The following ACSM2B variants were observed in gnomAD, a reference collection of about 807,000 sequenced individuals.
The protein encoded by ACSM2B is acyl-CoA synthetase medium chain family member 2B.
A neutral mutation model predicts 78.6 loss-of-function variants in ACSM2B; 58 were observed. The observed-to-expected ratio is 0.74, with a 90% CI of 0.60 to 0.92. ACSM2B has a LOEUF of 0.92. Ranked by LOEUF, ACSM2B falls within the 40% of genes least tolerant of loss-of-function variation. ACSM2B has a pLI of 0.00. For synonymous variants in ACSM2B, 257 were observed against 256.8 expected (o/e 1.00, Z -0.01); for missense variants, 688 against 711.2 (o/e 0.97, Z 0.37).
intron 1 of ACSM2B, among the ~76,000 whole-genome samples, chr16:20,574,869 GA>G (rs1381507505): frequency 6.6e-6 from 1 of 150,526 alleles, no homozygotes; most frequent in Non-Finnish European, 1.5e-5. Context: ...CTGGGAGATA[GA>G]ATCCCCGAGT....
At chr16:20,555,642 T>G (rs1436604573) in intron 3 of ACSM2B, among the ~76,000 whole-genome samples, 166 bp from the exon 4 acceptor site, 1 of 152,044 alleles carries the variant, frequency 6.6e-6, no homozygotes, top group African/African-American at 2.4e-5. Flanking sequence ...AGGGAGTGAA[T>G]GAAACCTAGG....
intron 4 of ACSM2B, 168 bp from the exon 5 acceptor site, chr16:20,554,088 A>T: frequency 2.7e-6 from 3 of 1,113,378 alleles, no homozygotes; most frequent in Non-Finnish European, 3.9e-6. Flanking sequence ...AGTCAATCAG[A>T]GTTGGGTTTG....
chr16:20,552,959 A>G (rs1216162464), intron 5 of ACSM2B, among the ~76,000 whole-genome samples: 3 of 152,176 alleles, frequency 2.0e-5, no homozygotes, highest in African/African-American at 7.2e-5. Flanking sequence ...GTCTCACTTT[A>G]TATCTGCAAA....
intron 1 of ACSM2B, among the ~76,000 whole-genome samples, chr16:20,569,629 T>C (rs1350740859): frequency 6.6e-6 from 1 of 151,922 alleles, no homozygotes; most frequent in Non-Finnish European, 1.5e-5. Flanking sequence ...GGTATTTTGA[T>C]GGGAATTGCA....
intron 1 of ACSM2B, among the ~76,000 whole-genome samples, chr16:20,570,304 A>G (rs1458379558): frequency 2.0e-5 from 3 of 151,906 alleles, no homozygotes; most frequent in Admixed American, 6.6e-5. Context: ...CTTTTTCTAC[A>G]TCTATTGAGA....
chr16:20,542,176 G>A (rs2015012419), intron 12 of ACSM2B: 1 of 150,370 alleles, frequency 6.7e-6, no homozygotes, highest in Non-Finnish European at 1.5e-5. Context: ...ACCCTACTCT[G>A]CTATTGAACA....
At chr16:20,567,769 G>GAT (rs1308793757) in intron 1 of ACSM2B, among the ~76,000 whole-genome samples, 1 of 137,646 alleles carries the variant, frequency 7.3e-6, no homozygotes, top group Non-Finnish European at 1.6e-5. Context: ...TGTATATACA[G>GAT]ATATATATAA....
intron 1 of ACSM2B, among the ~76,000 whole-genome samples, chr16:20,571,905 G>T (rs530078433): frequency 1.1e-3 from 161 of 151,810 alleles, no homozygotes; most frequent in Non-Finnish European, 1.4e-3. Flanking sequence ...GCTTGTTTTT[G>T]GTGTCCATTT....
intron 6 of ACSM2B, chr16:20,549,947 C>T (rs1318935003): frequency 8.8e-6 from 3 of 339,408 alleles, no homozygotes; most frequent in South Asian, 6.9e-5. Flanking sequence ...CTTATTTGCA[C>T]AGGAAGCTTT....
At position 20,540,835 on chromosome 16, in the gene ACSM2B, A is replaced by G. The variant is rs1184753274; in HGVS notation, c.1510-62T>C. On this transcript the variant is annotated intron_variant, in intron 12 of 13. Coordinates refer to ENST00000329697, the MANE Select transcript of ACSM2B (RefSeq NM_001105069.2). ...GAGTGTGTAGTCATCTCCTGGAATA[A>G]TGTGAAATTAGCATTAAGACTTGCA... is the stretch of plus-strand genomic sequence containing the variant. The G allele has an allele frequency of 1.9e-6, 3 of 1,578,166 alleles. No homozygotes were observed. The East Asian group carries it at 6.8e-5, about 36-fold the overall frequency.
intron 1 of ACSM2B, among the ~76,000 whole-genome samples, chr16:20,569,115 T>C (rs1304860557): frequency 6.6e-6 from 1 of 151,920 alleles, no homozygotes; most frequent in Non-Finnish European, 1.5e-5. Flanking sequence ...TGCTTTTGGG[T>C]TCTTGGTCAT....
intron 10 of ACSM2B, chr16:20,544,806 G>A: frequency 1.0e-6 from 1 of 1,001,072 alleles, no homozygotes; most frequent in East Asian, 1.0e-4. Context: ...CAACGGCATA[G>A]ATCATGGGGA....
chr16:20,560,361 T>C (rs1175444691), intron 2 of ACSM2B, among the ~76,000 whole-genome samples: 1 of 151,992 alleles, frequency 6.6e-6, no homozygotes, highest in African/African-American at 2.4e-5. Flanking sequence ...CATGAATGGC[T>C]TAGCACCATC....
At chr16:20,561,758 C>T (rs2015662341) in intron 2 of ACSM2B, among the ~76,000 whole-genome samples, 1 of 151,196 alleles carries the variant, frequency 6.6e-6, no homozygotes, top group African/African-American at 2.4e-5. Flanking sequence ...TACATGTGCA[C>T]AACGTGCACG....
intron 3 of ACSM2B, among the ~76,000 whole-genome samples, chr16:20,556,699 C>A (rs1394309382): frequency 6.6e-6 from 1 of 152,178 alleles, no homozygotes; most frequent in African/African-American, 2.4e-5. Flanking sequence ...TAGCTTTTAA[C>A]CTTAGCTCAC....
intron 6 of ACSM2B, among the ~76,000 whole-genome samples, chr16:20,551,692 G>T (rs1199091611): frequency 6.6e-6 from 1 of 152,046 alleles, no homozygotes; most frequent in Non-Finnish European, 1.5e-5. Flanking sequence ...ACATAGGATG[G>T]TGGCACTCTG....
intron 6 of ACSM2B, among the ~76,000 whole-genome samples, chr16:20,550,149 T>A (rs1263719869): frequency 6.6e-6 from 1 of 152,168 alleles, no homozygotes; most frequent in South Asian, 2.1e-4. Context: ...TCCATTCAGA[T>A]GGTTGGGAGG....
rs933102760 is a variant in ACSM2B, at chr16:20,552,417, G to A, written c.741-120C>T. The A allele has an allele frequency of 7.1e-6, 10 of 1,401,398 alleles. No individual in the cohort carries two copies. In the Admixed American group the frequency reaches 2.4e-4, roughly 33 times the overall value. The allele number at this position is 1,401,398 out of a possible 1,614,324, so 86.8% of individuals were successfully genotyped here. A position where few individuals can be genotyped will look rare whatever the true frequency, so the allele number is the denominator to read the frequency against. On this transcript the variant is annotated intron_variant, in intron 5 of 13. Transcript: ENST00000329697. ...TGCAGAGGTGTGCGTGTATCTGCCT[G>A]CAGGTTTATAGGCATATGTTTAAGT...
intron 10 of ACSM2B, chr16:20,544,719 A>G (rs1370106153): frequency 4.8e-5 from 47 of 985,618 alleles, no homozygotes; most frequent in Middle Eastern, 5.2e-4. Context: ...TACCTTCCCA[A>G]GATCTGAAGA....
Sources: allele counts gnomAD v4.1 joint callset (sites outside exome capture counted in the v4.1 genomes callset), GRCh38; gene constraint gnomAD v4.1.1; transcripts MANE v1.5; gene names NCBI Gene and HGNC (gene_info 2026-07-23, HGNC 2026-07-21).